The following ACTN1 variants were observed in gnomAD, a reference collection of about 807,000 sequenced individuals.
The protein encoded by ACTN1 is alpha-actinin-1.
Under a neutral mutation model 119.6 loss-of-function variants are expected in ACTN1, and 30 were observed. That is an observed-to-expected ratio of 0.25 (90% confidence interval 0.19 to 0.34). ACTN1 has a LOEUF of 0.34. Among genes scored for constraint, ACTN1 ranks in the 10% least tolerant of loss-of-function variants. ACTN1 has a pLI of 1.00. For missense variants in ACTN1, 764 were observed against 1,223.4 expected, an observed-to-expected ratio of 0.62 and a Z score of 5.60; for synonymous variants, 429 against 472.6, an observed-to-expected ratio of 0.91 and a Z score of 1.20.
Position 68,938,560 on chromosome 14 carries a change from G to T in ACTN1, c.106-12888C>A, listed in dbSNP as rs148538632. On this transcript the variant is annotated intron_variant, in intron 1 of 21. Transcript: ENST00000394419. ...GTCCTGAAAGACTTAGCCTGGTGCT[G>T]TGTCCACAACAGACACTTAAACAAT... 4.6e-5 allele frequency among the ~76,000 whole-genome samples: 7 copies of T among 152,288 alleles called. No homozygotes were observed. The East Asian group carries it at 1.4e-3, about 29-fold the overall frequency.
chr14:68,954,810 C>T (rs1014279121), intron 1 of ACTN1, among the ~76,000 whole-genome samples: 4 of 152,212 alleles, frequency 2.6e-5, no homozygotes, highest in African/African-American at 9.6e-5. Flanking sequence ...ATGAACACAT[C>T]ACTCGCTCTA....
intron 3 of ACTN1, among the ~76,000 whole-genome samples, chr14:68,918,385 T>A (rs968183656): frequency 2.5e-4 from 38 of 151,228 alleles, no homozygotes; most frequent in Admixed American, 2.3e-3. Context: ...ATCGAGACCA[T>A]CCTGGTTAAC....
Position 68,977,809 on chromosome 14 carries a change from C to CCCG in ACTN1, c.105+1142_105+1143insCGG, listed in dbSNP as rs59745876. On this transcript the variant is annotated intron_variant, in intron 1 of 21. Transcript: ENST00000394419. ...GGGACGCGCCATCCTGTCCCCCCCCCACCCAAAACCCCATTCCCAGATCAG... is the reference window on the plus strand; with the variant it reads ...GGGACGCGCCATCCTGTCCCCCCCCCCCGACCCAAAACCCCATTCCCAGATCAG... The CCCG allele has an allele frequency of 4.9e-5, 18 of 368,624 alleles. No homozygotes were observed. In the East Asian group the frequency reaches 9.7e-4, roughly 20 times the overall value. The allele number at this position is 368,624 out of a possible 1,614,324, so 22.8% of individuals were successfully genotyped here.
chr14:68,954,942 T>C (rs574784604), intron 1 of ACTN1, among the ~76,000 whole-genome samples: 35 of 152,318 alleles, frequency 2.3e-4, no homozygotes, highest in African/African-American at 8.2e-4. Context: ...AGATCCTTTT[T>C]CTTAAATCTT....
At chr14:68,904,099 C>A (rs2033516957) in intron 7 of ACTN1, among the ~76,000 whole-genome samples, 1 of 152,090 alleles carries the variant, frequency 6.6e-6, no homozygotes, top group Admixed American at 6.5e-5. Context: ...CCAGACAGAT[C>A]AGAACTGGAC....
At chr14:68,889,557 G>C (rs1482644379) in intron 11 of ACTN1, among the ~76,000 whole-genome samples, 2 of 152,216 alleles carry the variant, frequency 1.3e-5, no homozygotes, top group Non-Finnish European at 2.9e-5. Flanking sequence ...CACTTCAGGA[G>C]GCAGAAGCAG....
rs547133750 is a variant in ACTN1, at chr14:68,882,222, C to A, written c.1953+236G>T. Among the ~76,000 whole-genome samples, 2 of 152,256 alleles carry A rather than the reference C, an allele frequency of 1.3e-5. No individual in the cohort carries two copies. Among genetic ancestry groups the A allele is most frequent in the South Asian group, 4.1e-4 (2 of 4,828 alleles). ...AAGTGCTGGGATTACAGGCGTGAGC[C>A]CACAGGCAGCTTCTTAGTGGTGTCC... On this transcript the variant is annotated intron_variant, in intron 16 of 21. Transcript: ENST00000394419. This position sits in a 1 kb window ranked among gnomAD's most constrained non-coding sequence, Gnocchi z 4.5.
intron 1 of ACTN1, among the ~76,000 whole-genome samples, chr14:68,959,403 G>A (rs1258188018): frequency 6.6e-6 from 1 of 152,154 alleles, no homozygotes; most frequent in Non-Finnish European, 1.5e-5. Context: ...ACTGTTTACT[G>A]CACCACTCTC....
At chr14:68,958,392 G>A (rs1427356295) in intron 1 of ACTN1, among the ~76,000 whole-genome samples, 1 of 152,118 alleles carries the variant, frequency 6.6e-6, no homozygotes, top group Non-Finnish European at 1.5e-5. Context: ...AGTGAACCAG[G>A]TGTGTGCACC....
In ACTN1 at chr14:68,921,141, G is replaced by C; in HGVS notation, c.221-16C>G. On this transcript the variant is annotated splice_polypyrimidine_tract_variant and intron_variant, in intron 2 of 21. Coordinates refer to ENST00000394419, the MANE Select transcript of ACTN1 (RefSeq NM_001130004.2). ...AAGCGTTCACCTGTTTGGATCAAGA[G>C]GGAGGAAGAGGAAGGTGAGACGCTA... is the stretch of plus-strand genomic sequence containing the variant. The C allele has an allele frequency of 6.2e-7, 1 of 1,613,614 alleles. No homozygotes were observed. The highest frequency in any genetic ancestry group is 2.2e-5 in the East Asian group (1 of 44,876).
chr14:68,917,052 G>C (rs2034338230), intron 3 of ACTN1, among the ~76,000 whole-genome samples: 1 of 152,006 alleles, frequency 6.6e-6, no homozygotes, highest in African/African-American at 2.4e-5. Flanking sequence ...AAACCCTCAG[G>C]CTCCACCTGC....
intron 1 of ACTN1, among the ~76,000 whole-genome samples, chr14:68,940,032 C>T (rs1311705872): frequency 6.6e-6 from 1 of 152,162 alleles, no homozygotes; most frequent in Non-Finnish European, 1.5e-5. Context: ...AGCTGGTCTT[C>T]GAAGCAGAGT....
In ACTN1 at chr14:68,875,086, C is replaced by G. The variant is rs781454018; in HGVS notation, c.2587-69G>C. On this transcript the variant is annotated intron_variant, in intron 21 of 21. Coordinates refer to ENST00000394419, the MANE Select transcript of ACTN1 (RefSeq NM_001130004.2). Reference sequence around the variant, plus strand: ...CGTAAAGCGGCGCGGCCCGACACAGCCGCAAAGCCTGGCGGCGTGAAGGCA... The same window carrying G: ...CGTAAAGCGGCGCGGCCCGACACAGGCGCAAAGCCTGGCGGCGTGAAGGCA... The G allele has an allele frequency of 2.5e-6, 4 of 1,596,204 alleles. No homozygotes were observed. In the Admixed American group the frequency reaches 6.9e-5, roughly 27 times the overall value.
intron 1 of ACTN1, among the ~76,000 whole-genome samples, chr14:68,952,299 G>A (rs528118659): frequency 7.9e-5 from 12 of 152,326 alleles, no homozygotes; most frequent in Admixed American, 1.3e-4. Context: ...CTTGGACTCC[G>A]CAGCAGCAAT....
chr14:68,931,697 G>T (rs1286895319), intron 1 of ACTN1, among the ~76,000 whole-genome samples: 1 of 152,174 alleles, frequency 6.6e-6, no homozygotes, highest in Non-Finnish European at 1.5e-5. Flanking sequence ...ACAGGGTGGG[G>T]AAGATCGTTG....
chr14:68,925,318 CTTTTTTTTTT>C lies in ACTN1; in HGVS notation c.220+230_220+239del, dbSNP rs36108835. Among the ~76,000 whole-genome samples the C allele has an allele frequency of 8.2e-6, 1 of 121,260 alleles. No individual in the cohort carries two copies. The highest frequency in any genetic ancestry group is 3.3e-4 in the East Asian group (1 of 3,020). 79.6% of individuals were successfully genotyped at this position (121,260 alleles called of 152,430 possible). A position where few individuals can be genotyped will look rare whatever the true frequency, so the allele number is the denominator to read the frequency against. On this transcript the variant is annotated intron_variant, in intron 2 of 21. Coordinates refer to ENST00000394419, the MANE Select transcript of ACTN1 (RefSeq NM_001130004.2). This position sits in a 1 kb window ranked among gnomAD's most constrained non-coding sequence, Gnocchi z 4.3. ...GAAGGAACCTCAGTTCCTTCAAACC[CTTTTTTTTTT>C]TTTTTTTTTTTTTAAAACAAACAAG...
At chr14:68,891,933 G>A (rs895720229) in intron 10 of ACTN1, 120 bp downstream of exon 10, 8 of 1,258,272 alleles carry the variant, frequency 6.4e-6, no homozygotes, top group East Asian at 5.0e-5. Context: ...AGCAGTGTAT[G>A]TAGGTAGAAG....
chr14:68,978,468 C>G (rs2037147714), intron 1 of ACTN1: 1 of 327,450 alleles, frequency 3.1e-6, no homozygotes, highest in Non-Finnish European at 6.0e-6. Flanking sequence ...GCAGCAGGGT[C>G]CCGGGAGGCC....
intron 1 of ACTN1, among the ~76,000 whole-genome samples, chr14:68,951,586 A>G (rs2036171001): frequency 6.6e-6 from 1 of 152,154 alleles, no homozygotes; most frequent in African/African-American, 2.4e-5. Context: ...CCGTTTCCCC[A>G]ACTCTAACGT....
Sources: gnomAD v4.1 joint callset for allele counts (sites outside exome capture counted in the v4.1 genomes callset) on GRCh38, gnomAD v4.1.1 for gene constraint, Gnocchi (gnomAD v3.1) non-coding constraint, MANE v1.5 for transcripts, NCBI Gene and HGNC (gene_info 2026-07-23, HGNC 2026-07-21) for gene names.